Variants in RASGRF2 observed in about 807,000 individuals in gnomAD.
The protein encoded by RASGRF2 is Ras protein specific guanine nucleotide releasing factor 2, also known as ras-specific guanine nucleotide-releasing factor 2.
A neutral mutation model predicts 151.0 loss-of-function variants in RASGRF2; 76 were observed. The ratio of observed to expected loss-of-function variants is 0.50; its 90% confidence interval spans 0.42 to 0.61. RASGRF2 has a LOEUF of 0.61. RASGRF2 is among the 20% of genes least tolerant of loss of function. The probability of loss-of-function intolerance (pLI) is 0.00; values close to 1 mark genes in which losing one functional copy is unlikely to be tolerated. For synonymous variants in RASGRF2, 504 were observed against 566.5 expected, an observed-to-expected ratio of 0.89 and a Z score of 1.57; for missense variants, 1,148 against 1,564.6, an observed-to-expected ratio of 0.73 and a Z score of 4.49.
At chr5:81,041,607 T>G (rs1254871882) in intron 1 of RASGRF2, among the ~76,000 whole-genome samples, 1 of 152,206 alleles carries the variant, frequency 6.6e-6, no homozygotes, top group Non-Finnish European at 1.5e-5. Flanking sequence ...TGCTGGAACA[T>G]GGAGTGGTTT....
intron 17 of RASGRF2, among the ~76,000 whole-genome samples, chr5:81,162,083 T>C (rs558996064): frequency 6.6e-6 from 1 of 151,658 alleles, no homozygotes; most frequent in African/African-American, 2.4e-5. Context: ...ACACAAAAGA[T>C]GGGCTCAAAA....
rs547045350 is a variant in RASGRF2, at chr5:81,124,456, T to C, written c.2596+689T>C. 3.0e-4 allele frequency among the ~76,000 whole-genome samples: 46 copies of C among 152,344 alleles called. No individual in the cohort carries two copies. In the South Asian group the frequency reaches 3.9e-3, roughly 13 times the overall value. On this transcript the variant is annotated intron_variant, in intron 16 of 26. Transcript: ENST00000265080. ...ACCAAAATGTTCCCAGTCTCTGATA[T>C]ATTACCATGAGTCCCAATGTAGTCT...
chr5:81,104,069 C>T (rs973890468), intron 12 of RASGRF2, among the ~76,000 whole-genome samples: 7 of 151,844 alleles, frequency 4.6e-5, no homozygotes, highest in African/African-American at 1.7e-4. Flanking sequence ...CAAATGGATA[C>T]CCATCAGCTT....
intron 17 of RASGRF2, among the ~76,000 whole-genome samples, chr5:81,130,217 A>G (rs995080823): frequency 2.0e-5 from 3 of 152,166 alleles, no homozygotes; most frequent in African/African-American, 7.2e-5. Flanking sequence ...CAATGTTGCT[A>G]GGTGTTGGGG....
chr5:81,145,568 C>A (rs1243700865), intron 17 of RASGRF2, among the ~76,000 whole-genome samples: 1 of 152,200 alleles, frequency 6.6e-6, no homozygotes, highest in African/African-American at 2.4e-5. Context: ...AGCTTAGCAC[C>A]TTTCATCTTG....
At chr5:81,142,300 T>C (rs534851401) in intron 17 of RASGRF2, among the ~76,000 whole-genome samples, 211 of 152,320 alleles carry the variant, frequency 1.4e-3, no homozygotes, top group Non-Finnish European at 2.5e-3. Flanking sequence ...AGAGATGTTA[T>C]TGATGGCAAT....
At chr5:81,105,924 T>C (rs1752833494) in intron 12 of RASGRF2, among the ~76,000 whole-genome samples, 1 of 152,224 alleles carries the variant, frequency 6.6e-6, no homozygotes, top group South Asian at 2.1e-4. Flanking sequence ...AACTCTTTCA[T>C]ATATTACTTT....
At chr5:81,024,806 A>G (rs1749962545) in intron 1 of RASGRF2, among the ~76,000 whole-genome samples, 1 of 152,278 alleles carries the variant, frequency 6.6e-6, no homozygotes, top group Non-Finnish European at 1.5e-5. Flanking sequence ...CTCTGGTCAC[A>G]TTTTCCTTCC....
At chr5:81,060,490 A>G (rs912459591) in intron 2 of RASGRF2, among the ~76,000 whole-genome samples, 50 of 152,080 alleles carry the variant, frequency 3.3e-4, no homozygotes, top group African/African-American at 1.1e-3. Flanking sequence ...TTTTTCCTCT[A>G]CAGTACTCAT....
At position 81,092,823 on chromosome 5, in the gene RASGRF2, C is replaced by A. The variant is rs140693798; in HGVS notation, c.1413C>A (p.Ser471=). The A allele has an allele frequency of 3.3e-5, 53 of 1,612,990 alleles. No individual in the cohort carries two copies. Among genetic ancestry groups the A allele is most frequent in the Non-Finnish European group, 4.2e-5 (50 of 1,179,458 alleles). Reference sequence around the variant, plus strand: ...CAGGTTCTCTTATTCAAGTACCTTCCGTTGAGAGGGGGAAACTTAGTAAAG... The same window carrying A: ...CAGGTTCTCTTATTCAAGTACCTTCAGTTGAGAGGGGGAAACTTAGTAAAG... ...IRQGSLIQVP[S]VERGKLSKVR... is the part of the protein sequence containing the mutation. The change falls in exon 10 of 27, where the codon TCC becomes TCA. Residue 471 remains serine, a synonymous_variant. Transcript: ENST00000265080.
At chr5:81,006,478 T>C (rs1460153039) in intron 1 of RASGRF2, among the ~76,000 whole-genome samples, 5 of 152,224 alleles carry the variant, frequency 3.3e-5, no homozygotes. Flanking sequence ...AGTAGAAAGC[T>C]TCATATGTAG....
rs535129590 is a variant in RASGRF2, at chr5:81,037,717, G to A, written c.289-5160G>A. Among the ~76,000 whole-genome samples, 4 of 152,318 alleles carry A rather than the reference G, an allele frequency of 2.6e-5. No homozygotes were observed. In the East Asian group the frequency reaches 5.8e-4, roughly 22 times the overall value. On this transcript the variant is annotated intron_variant, in intron 1 of 26. Transcript: ENST00000265080. ...AAAATGTTAAAAGGTGCACGTAGGT[G>A]AAGTCTTTATTGTGCTCTCGGAACA...
intron 17 of RASGRF2, among the ~76,000 whole-genome samples, chr5:81,127,800 T>G (rs1004101310): frequency 1.3e-5 from 2 of 151,496 alleles, no homozygotes; most frequent in African/African-American, 4.9e-5. Context: ...GTCATACATC[T>G]GTAATTCCAG....
intron 2 of RASGRF2, among the ~76,000 whole-genome samples, chr5:81,049,635 G>A (rs777028857): frequency 9.2e-5 from 14 of 152,200 alleles, no homozygotes; most frequent in Non-Finnish European, 1.8e-4. Context: ...GACTTAGGTC[G>A]TGTAGATAGA....
intron 23 of RASGRF2, among the ~76,000 whole-genome samples, chr5:81,214,212 AT>A (rs760763342): frequency 3.5e-4 from 53 of 152,358 alleles, no homozygotes; most frequent in Admixed American, 7.2e-4. Context: ...TATTGAAATG[AT>A]TGTTTCAAAA....
rs569824963 is a variant in RASGRF2 at position 81,203,695 on chromosome 5, C to T, written c.2906+2253C>T. Reference sequence around the variant, plus strand: ...CATTTATGGATGTCAAGTTCTCAACCGGTCCAAACCTGTTTCCTCATTTAT... The same window carrying T: ...CATTTATGGATGTCAAGTTCTCAACTGGTCCAAACCTGTTTCCTCATTTAT... On this transcript the variant is annotated intron_variant, in intron 19 of 26. Coordinates refer to ENST00000265080, the MANE Select transcript of RASGRF2 (RefSeq NM_006909.3). 2.6e-5 allele frequency among the ~76,000 whole-genome samples: 4 copies of T among 152,320 alleles called. No individual in the cohort carries two copies. In the East Asian group the frequency reaches 7.7e-4, roughly 29 times the overall value.
intron 5 of RASGRF2, among the ~76,000 whole-genome samples, 187 bp downstream of exon 5, chr5:81,073,639 G>A (rs555178782): frequency 4.6e-5 from 7 of 151,376 alleles, no homozygotes; most frequent in Non-Finnish European, 8.8e-5. Context: ...TTTTTTTTGA[G>A]ATGGAGTCTT....
intron 1 of RASGRF2, among the ~76,000 whole-genome samples, chr5:80,994,197 C>A (rs1406264803): frequency 6.6e-6 from 1 of 151,786 alleles, no homozygotes; most frequent in Non-Finnish European, 1.5e-5. Context: ...AACCCCGTCT[C>A]TAATAAAAAT....
At chr5:81,209,017 T>C (rs1755573934) in intron 22 of RASGRF2, among the ~76,000 whole-genome samples, 1 of 152,240 alleles carries the variant, frequency 6.6e-6, no homozygotes, top group African/African-American at 2.4e-5. Flanking sequence ...ATTTTTATCA[T>C]GATTATCACT....
Sources: allele counts gnomAD v4.1 joint callset (sites outside exome capture counted in the v4.1 genomes callset), GRCh38; gene constraint gnomAD v4.1.1; transcripts MANE v1.5; gene names NCBI Gene and HGNC (gene_info 2026-07-23, HGNC 2026-07-21).